The following MGST3 variants were observed in gnomAD, a reference collection of about 807,000 sequenced individuals.
MGST3 encodes the protein glutathione S-transferase 3, mitochondrial.
Under a neutral mutation model 15.8 loss-of-function variants are expected in MGST3, and 13 were observed. The observed-to-expected ratio is 0.82, with a 90% confidence interval of 0.54 to 1.31. The LOEUF (loss-of-function observed/expected upper bound fraction) is 1.31. Among genes scored for constraint, MGST3 ranks in the 50% most tolerant of loss-of-function variants. The probability of loss-of-function intolerance (pLI) is 0.00; values close to 1 mark genes in which losing one functional copy is unlikely to be tolerated. For missense variants in MGST3, 155 were observed against 192.4 expected (o/e 0.81, Z 1.15); for synonymous variants, 49 against 68.1 (o/e 0.72, Z 1.38).
intron 1 of MGST3, chr1:165,632,142 A>G: frequency 9.1e-7 from 1 of 1,101,224 alleles, no homozygotes; most frequent in Non-Finnish European, 1.4e-6. Flanking sequence ...GTCGGGGGCA[A>G]GTAAGTGTGG....
chr1:165,637,835 T>A (rs1370692987), intron 1 of MGST3, among the ~76,000 whole-genome samples: 1 of 152,208 alleles, frequency 6.6e-6, no homozygotes, highest in Non-Finnish European at 1.5e-5. Context: ...TAAGCCCAAG[T>A]CTGATCACTC....
chr1:165,650,004 T>G lies in MGST3; in HGVS notation c.117+40T>G, dbSNP rs1571155216. ...AAGCTGGTGCCCTTGTAGGCTTGTCTGGGGGCCACAGGCTTAGCCAAGAAC... is the reference window on the plus strand; with the variant it reads ...AAGCTGGTGCCCTTGTAGGCTTGTCGGGGGGCCACAGGCTTAGCCAAGAAC... On this transcript the variant is annotated intron_variant, in intron 2 of 5. Transcript: ENST00000367889. 7.4e-6 allele frequency: 12 copies of G among 1,612,688 alleles called. No homozygotes were observed. The East Asian group carries it at 2.5e-4, about 33-fold the overall frequency.
chr1:165,636,198 G>A (rs1001467135), intron 1 of MGST3, among the ~76,000 whole-genome samples: 2 of 152,070 alleles, frequency 1.3e-5, no homozygotes, highest in African/African-American at 4.8e-5. Context: ...TAAAGTTTTT[G>A]TGTGTGGGTG....
intron 1 of MGST3, among the ~76,000 whole-genome samples, chr1:165,635,396 C>T (rs1648080764): frequency 6.6e-6 from 1 of 152,140 alleles, no homozygotes; most frequent in Non-Finnish European, 1.5e-5. Flanking sequence ...TGTTTAGTGC[C>T]TTATTACACA....
intron 3 of MGST3, chr1:165,651,411 G>C: frequency 2.4e-6 from 1 of 416,312 alleles, no homozygotes; most frequent in Non-Finnish European, 4.5e-6. Flanking sequence ...TTTGAATGCT[G>C]TAAGGAAACC....
chr1:165,652,765 A>C (rs751308833), intron 4 of MGST3, among the ~76,000 whole-genome samples: 1 of 152,222 alleles, frequency 6.6e-6, no homozygotes, highest in Non-Finnish European at 1.5e-5. Flanking sequence ...GGAGAGGGGC[A>C]GCAACAGAGG....
At chr1:165,634,590 C>G (rs79480594) in intron 1 of MGST3, among the ~76,000 whole-genome samples, 20,586 of 152,048 alleles carry the variant, frequency 0.14, 1,571 homozygotes, top group Non-Finnish European at 0.16. Flanking sequence ...TCTGCTCTTG[C>G]TGTTTTCTTT....
chr1:165,650,823 T>A lies in MGST3; in HGVS notation c.118-191T>A, dbSNP rs142754165. ...TACATTCTTATTCCTGGATATTTAATAGAAACATTGACTCTGCTTCTGAGA... is the reference window on the plus strand; with the variant it reads ...TACATTCTTATTCCTGGATATTTAAAAGAAACATTGACTCTGCTTCTGAGA... On this transcript the variant is annotated intron_variant, in intron 2 of 5. Transcript: ENST00000367889. 2,382 of 617,052 alleles carry A rather than the reference T, an allele frequency of 3.9e-3. 14 individuals carry two copies. Among genetic ancestry groups the A allele is most frequent in the Non-Finnish European group, 5.0e-3 (1,707 of 338,840 alleles). The allele number at this position is 617,052 out of a possible 1,614,324, so 38.2% of individuals were successfully genotyped here. A position where few individuals can be genotyped will look rare whatever the true frequency, so the allele number is the denominator to read the frequency against.
chr1:165,641,159 G>C (rs1648254867), intron 1 of MGST3, among the ~76,000 whole-genome samples: 1 of 150,668 alleles, frequency 6.6e-6, no homozygotes, highest in Non-Finnish European at 1.5e-5. Flanking sequence ...CTCTAGCCTG[G>C]GGGGAAGAGC....
In MGST3 at chr1:165,655,554, T is replaced by C; in HGVS notation, c.*50T>C. 1 of 1,607,966 alleles carries C rather than the reference T, an allele frequency of 6.2e-7. No individual in the cohort carries two copies. Among genetic ancestry groups the C allele is most frequent in the East Asian group, 2.2e-5 (1 of 44,740 alleles). On this transcript the variant is annotated 3_prime_UTR_variant, in exon 6 of 6. Transcript: ENST00000367889. ...TCATTCATTTTAAATGACTTACCTT[T>C]ATTTCCAGTTACATTTTTTTTCTAA...
intron 1 of MGST3, among the ~76,000 whole-genome samples, chr1:165,637,314 G>C (rs1014836205): frequency 1.3e-5 from 2 of 152,226 alleles, no homozygotes; most frequent in Non-Finnish European, 2.9e-5. Context: ...AGCAAAGAGA[G>C]AGAGCTGAAA....
chr1:165,646,026 T>C (rs894783063), intron 1 of MGST3: 1 of 152,240 alleles, frequency 6.6e-6, no homozygotes, highest in Non-Finnish European at 1.5e-5. Flanking sequence ...TCAAGAACTT[T>C]ATCTTGTTGG....
At chr1:165,650,690 G>A (rs1648527981) in intron 2 of MGST3, 1 of 377,254 alleles carries the variant, frequency 2.7e-6, no homozygotes, top group Non-Finnish European at 5.1e-6. Context: ...TTTCCCTACA[G>A]TATCTTTGTA....
intron 1 of MGST3, among the ~76,000 whole-genome samples, chr1:165,639,865 T>A (rs565402982): frequency 2.6e-5 from 4 of 152,282 alleles, no homozygotes; most frequent in African/African-American, 7.2e-5. Context: ...GTATTATATA[T>A]GTAGTAGTGA....
At chr1:165,649,819 C>G in intron 1 of MGST3, 22 bp from the exon 2 acceptor site, 1 of 1,613,690 alleles carries the variant, frequency 6.2e-7, no homozygotes, top group Non-Finnish European at 8.5e-7. Context: ...GGGGCCGTCC[C>G]AACGTGTTCT....
At chr1:165,655,266 T>C (rs1483984490) in intron 5 of MGST3, 102 bp from the exon 6 acceptor site, 3 of 1,482,828 alleles carry the variant, frequency 2.0e-6, no homozygotes. Flanking sequence ...CCAGTTTGTC[T>C]AATGTACAAC....
chr1:165,651,733 A>G, intron 3 of MGST3: 1 of 435,264 alleles, frequency 2.3e-6, no homozygotes, highest in Non-Finnish European at 4.2e-6. Context: ...GCAAAACCCC[A>G]TCTCTACAAA....
At chr1:165,653,330 T>C (rs3795540) in intron 4 of MGST3, among the ~76,000 whole-genome samples, 36,197 of 152,078 alleles carry the variant, frequency 0.24, 5,758 homozygotes, top group East Asian at 0.8. Context: ...AAGAGCTAGT[T>C]TGGGGACAAG....
At chr1:165,652,872 T>G (rs1432599306) in intron 4 of MGST3, among the ~76,000 whole-genome samples, 1 of 152,222 alleles carries the variant, frequency 6.6e-6, no homozygotes, top group Non-Finnish European at 1.5e-5. Context: ...TAAACATATC[T>G]AAATAAAGCA....
Sources: allele counts gnomAD v4.1 joint callset (sites outside exome capture counted in the v4.1 genomes callset), GRCh38; gene constraint gnomAD v4.1.1; transcripts MANE v1.5; gene names NCBI Gene and HGNC (gene_info 2026-07-23, HGNC 2026-07-21).